The following BAHD1 variants were observed in gnomAD, a reference collection of about 807,000 sequenced individuals.
The protein encoded by BAHD1 is bromo adjacent homology domain-containing 1 protein.
In BAHD1, 20 loss-of-function variants were observed where a neutral mutation model predicts 63.1. That is an observed-to-expected ratio of 0.32 (90% CI 0.22 to 0.46). BAHD1 has a LOEUF of 0.46. Among genes scored for constraint, BAHD1 ranks in the 20% least tolerant of loss-of-function variants. BAHD1 has a pLI of 1.00. For missense variants in BAHD1, 939 were observed against 1,071.8 expected (o/e 0.88, Z 1.73); for synonymous variants, 408 against 426.8 (o/e 0.96, Z 0.54).
rs1174258055 is a variant in BAHD1 at position 40,468,138 on chromosome 15, G to A, written c.*2008G>A. On this transcript the variant is annotated 3_prime_UTR_variant, in exon 7 of 7. Coordinates refer to ENST00000416165, the MANE Select transcript of BAHD1 (RefSeq NM_014952.5). Reference sequence around the variant, plus strand: ...CAGATCTGTATTTCAGTGTTTACAAGGGAGGAAGGACCTTTCCTCACCTCC... The same window carrying A: ...CAGATCTGTATTTCAGTGTTTACAAAGGAGGAAGGACCTTTCCTCACCTCC... 6.6e-6 allele frequency: 1 copy of A among 152,586 alleles called. No individual in the cohort carries two copies. Among genetic ancestry groups the A allele is most frequent in the East Asian group, 1.9e-4 (1 of 5,202 alleles). The allele number at this position is 152,586 out of a possible 1,614,324, so 9.5% of individuals were successfully genotyped here. A position where few individuals can be genotyped will look rare whatever the true frequency, so the allele number is the denominator to read the frequency against.
At chr15:40,463,751 A>G in intron 3 of BAHD1, 110 bp from the exon 4 acceptor site, 5 of 1,209,594 alleles carry the variant, frequency 4.1e-6, no homozygotes, top group South Asian at 1.5e-5. Context: ...AAACCAAGGT[A>G]GTGGTTTGAC....
rs759654273 is a variant in BAHD1 at position 40,464,013 on chromosome 15, C to T, written c.1968C>T (p.Pro656=). The T allele has an allele frequency of 3.9e-5, 63 of 1,613,926 alleles. No individual in the cohort carries two copies. The highest frequency in any genetic ancestry group is 2.6e-5 in the Non-Finnish European group (31 of 1,179,984). Residue 656 remains proline (P), a synonymous_variant, in exon 4 of 7, where the codon CCC becomes CCT. Transcript: ENST00000416165. ...VAKISALWEN[P]ESGELMMSLL... is the part of the protein sequence containing the mutation. The stretch of plus-strand genomic sequence containing the variant: ...AGATCTCTGCCCTCTGGGAGAACCC[C>T]GAGTCAGGTACCTCTCCCTCTGGCT...
In BAHD1 at chr15:40,459,551, G is replaced by A. The variant is rs1460262637; in HGVS notation, c.1087G>A (p.Asp363Asn). 19 of 1,614,036 alleles carry A rather than the reference G, an allele frequency of 1.2e-5. No individual in the cohort carries two copies. The highest frequency in any genetic ancestry group is 1.5e-5 in the Non-Finnish European group (18 of 1,180,044). Residue 363 changes from aspartate to asparagine, a missense_variant, in exon 2 of 7, where the codon GAC becomes AAC. Asp to Asn is a conservative substitution (Grantham distance 23). Around this residue, in one of 5 missense-constraint regions of BAHD1, gnomAD observed 797 missense variants for 813.3 expected, o/e 0.98. Coordinates refer to ENST00000416165, the MANE Select transcript of BAHD1 (RefSeq NM_014952.5). The stretch of plus-strand genomic sequence containing the variant: ...GCTGCCGATGCCTGGCAACCCCGCC[G>A]ACTACAATGGCCTGTGTGTTGGGCC... Reference protein sequence around the residue: ...SPLPMPGNPADYNGLCVGPEL... With the variant: ...SPLPMPGNPANYNGLCVGPEL...
At chr15:40,457,769 G>A (rs1222170571) in intron 1 of BAHD1, among the ~76,000 whole-genome samples, 1 of 152,206 alleles carries the variant, frequency 6.6e-6, no homozygotes, top group African/African-American at 2.4e-5. Context: ...CAGCACTGTG[G>A]GAGGCCGAGG....
chr15:40,459,216 A>T lies in BAHD1; in HGVS notation c.752A>T (p.Lys251Met). 6.2e-7 allele frequency: 1 copy of T among 1,611,804 alleles called. No individual in the cohort carries two copies. Among genetic ancestry groups the T allele is most frequent in the Non-Finnish European group, 8.5e-7 (1 of 1,179,086 alleles). The change falls in exon 2 of 7, where the codon AAG becomes ATG. Residue 251 changes from lysine to methionine, a missense_variant. By Grantham distance (95) the Lys-to-Met change is moderately conservative. Transcript: ENST00000416165. The stretch of plus-strand genomic sequence containing the variant: ...AAGGCCCCGAGGCCAAAGTGGCCCA[A>T]GGTCAATGGCAAGAACTATCCCAAG... ...APKAPRPKWP[K>M]VNGKNYPKAW... is the part of the protein sequence containing the mutation.
chr15:40,443,262 C>T, intron 1 of BAHD1: 7 of 985,400 alleles, frequency 7.1e-6, no homozygotes, highest in Non-Finnish European at 8.4e-6. Context: ...CATGGCCACC[C>T]CCCATGGACC....
At chr15:40,461,567 G>T (rs917529025) in intron 2 of BAHD1, among the ~76,000 whole-genome samples, 2 of 152,056 alleles carry the variant, frequency 1.3e-5, no homozygotes, top group Non-Finnish European at 2.9e-5. Flanking sequence ...TTGAACCCGA[G>T]AGGCGGAGGT....
chr15:40,458,372 G>A lies in BAHD1; in HGVS notation c.-14-79G>A, dbSNP rs554063788. The A allele has an allele frequency of 1.5e-5, 22 of 1,499,486 alleles. No individual in the cohort carries two copies. The South Asian group carries it at 2.6e-4, about 18-fold the overall frequency. The allele number at this position is 1,499,486 out of a possible 1,614,324, so 92.9% of individuals were successfully genotyped here. A position where few individuals can be genotyped will look rare whatever the true frequency, so the allele number is the denominator to read the frequency against. On this transcript the variant is annotated intron_variant, in intron 1 of 6. Coordinates refer to ENST00000416165, the MANE Select transcript of BAHD1 (RefSeq NM_014952.5). This position sits in a 1 kb window ranked among gnomAD's most constrained non-coding sequence, Gnocchi z 4.7. ...GCCAGGATCACTGCACCTGGGGCTG[G>A]GTAGGCTGCAGTGGGAGAGAAAGCA...
chr15:40,444,553 T>G (rs1893484619), intron 1 of BAHD1, among the ~76,000 whole-genome samples: 1 of 152,140 alleles, frequency 6.6e-6, no homozygotes, highest in African/African-American at 2.4e-5. Context: ...CGGGTGCAAA[T>G]GAGGGAGAAA....
chr15:40,444,715 C>G (rs1893488681), intron 1 of BAHD1, among the ~76,000 whole-genome samples: 1 of 152,198 alleles, frequency 6.6e-6, no homozygotes, highest in African/African-American at 2.4e-5. Flanking sequence ...AGGAAAGCTA[C>G]AATCCCTGCT....
At chr15:40,464,656 G>T in intron 5 of BAHD1, 109 bp downstream of exon 5, 1 of 913,300 alleles carries the variant, frequency 1.1e-6, no homozygotes, top group South Asian at 1.5e-5. Flanking sequence ...TCAAATCCCT[G>T]CGCTTGTCAC....
chr15:40,458,458 G>A lies in BAHD1; in HGVS notation c.-7G>A, dbSNP rs1179302951. 1.3e-6 allele frequency: 2 copies of A among 1,562,072 alleles called. No homozygotes were observed. Among genetic ancestry groups the A allele is most frequent in the Non-Finnish European group, 1.7e-6 (2 of 1,150,934 alleles). On this transcript the variant is annotated 5_prime_UTR_variant, in exon 2 of 7. Transcript: ENST00000416165. This position sits in a 1 kb window ranked among gnomAD's most constrained non-coding sequence, Gnocchi z 4.7. ...CCACCTTCTGTCCTGCAGGTTGGAAGTACTCCATGACACACACTCGGAGAA... is the reference window on the plus strand; with the variant it reads ...CCACCTTCTGTCCTGCAGGTTGGAAATACTCCATGACACACACTCGGAGAA...
chr15:40,448,729 C>G (rs1893617752), intron 1 of BAHD1, among the ~76,000 whole-genome samples: 1 of 152,218 alleles, frequency 6.6e-6, no homozygotes, highest in Admixed American at 6.5e-5. Context: ...GAGACAGGGT[C>G]TCACTGTATT....
intron 3 of BAHD1, 106 bp from the exon 4 acceptor site, chr15:40,463,755 G>A (rs1566965743): frequency 7.7e-7 from 1 of 1,292,706 alleles, no homozygotes. Context: ...CAAGGTAGTG[G>A]TTTGACTATC....
rs1201963080 is a variant in BAHD1, at chr15:40,459,783, C to G, written c.1319C>G (p.Ser440Cys). ...CCCTGGGGCTCCTCTCGCTACTGCT[C>G]TAGCGAGGACACTGGAGTGAATGGC... The part of the protein sequence containing the change: ...HPPWGSSRYC[S>C]SEDTGVNGYS... Residue 440 changes from serine (S) to cysteine (C), a missense_variant, in exon 2 of 7, where the codon TCT becomes TGT. Ser to Cys is a moderately radical substitution (Grantham distance 112). This residue lies in a region of BAHD1 where 797 missense variants were observed against 813.3 expected (regional missense o/e 0.98). Transcript: ENST00000416165. 5 of 1,613,756 alleles carry G rather than the reference C, an allele frequency of 3.1e-6. No homozygotes were observed. Among genetic ancestry groups the G allele is most frequent in the African/African-American group, 2.7e-5 (2 of 74,958 alleles).
Position 40,458,866 on chromosome 15 carries a change from A to T in BAHD1, c.402A>T (p.Arg134=), listed in dbSNP as rs1893931154. The change falls in exon 2 of 7, where the codon CGA becomes CGT. Residue 134 remains arginine, a synonymous_variant. Coordinates refer to ENST00000416165, the MANE Select transcript of BAHD1 (RefSeq NM_014952.5). This position sits in a 1 kb window ranked among gnomAD's most constrained non-coding sequence, Gnocchi z 4.7. ...AEALNNLLLE[R]EDTSSLAGTR... ...CTCTCAATAACCTGCTGCTGGAGCG[A>T]GAGGACACCAGCAGCCTGGCAGGCA... is the stretch of plus-strand genomic sequence containing the variant. 1.2e-6 allele frequency: 2 copies of T among 1,603,606 alleles called. No individual in the cohort carries two copies.
upstream of BAHD1, among the ~76,000 whole-genome samples, chr15:40,440,192 G>A (rs1164605333): frequency 4.6e-5 from 7 of 152,324 alleles, no homozygotes; most frequent in East Asian, 1.2e-3. Flanking sequence ...TGAATTAGGA[G>A]CTGGGGTTGG....
At chr15:40,438,591 T>A (rs1305807109), upstream of BAHD1, among the ~76,000 whole-genome samples, 2 of 152,080 alleles carry the variant, frequency 1.3e-5, no homozygotes, top group African/African-American at 4.8e-5. Flanking sequence ...CTGTCATGAC[T>A]ACTCTGCCTC....
In BAHD1 at chr15:40,458,374, T is replaced by G. The variant is rs982577746; in HGVS notation, c.-14-77T>G. On this transcript the variant is annotated intron_variant, in intron 1 of 6. Coordinates refer to ENST00000416165, the MANE Select transcript of BAHD1 (RefSeq NM_014952.5). The surrounding 1 kb of genome is among the most constrained non-coding windows in gnomAD (Gnocchi z 4.7). ...CAGGATCACTGCACCTGGGGCTGGG[T>G]AGGCTGCAGTGGGAGAGAAAGCAGG... The G allele has an allele frequency of 6.7e-7, 1 of 1,496,444 alleles. No individual in the cohort carries two copies. Among genetic ancestry groups the G allele is most frequent in the South Asian group, 1.4e-5 (1 of 73,206 alleles). 92.7% of individuals were successfully genotyped at this position (1,496,444 alleles called of 1,614,324 possible). A position where few individuals can be genotyped will look rare whatever the true frequency, so the allele number is the denominator to read the frequency against.
Sources: allele counts gnomAD v4.1 joint callset (sites outside exome capture counted in the v4.1 genomes callset), GRCh38; gene constraint gnomAD v4.1.1; regional missense constraint gnomAD v4.1.1; non-coding constraint Gnocchi (gnomAD v3.1); transcripts MANE v1.5; gene names NCBI Gene and HGNC (gene_info 2026-07-23, HGNC 2026-07-21).